Variants in KCNIP3 observed in about 807,000 individuals in gnomAD.
KCNIP3 encodes potassium voltage-gated channel interacting protein 3, also known as calsenilin.
Under a neutral mutation model 35.0 loss-of-function variants are expected in KCNIP3, and 28 were observed. The observed-to-expected ratio is 0.80, with a 90% CI of 0.59 to 1.10. The LOEUF (loss-of-function observed/expected upper bound fraction) is 1.10, where lower values mean the gene tolerates loss of function less well. Ranked by LOEUF, KCNIP3 falls within the 50% of genes least tolerant of loss-of-function variation. KCNIP3 has a pLI of 0.00. For synonymous variants in KCNIP3, 134 were observed against 133.8 expected (o/e 1.00, Z -0.01); for missense variants, 295 against 338.4 (o/e 0.87, Z 1.01).
chr2:95,374,811 G>A, intron 3 of KCNIP3, 37 bp from the exon 4 acceptor site: 2 of 1,606,740 alleles, frequency 1.2e-6, no homozygotes, highest in Non-Finnish European at 1.7e-6. Flanking sequence ...TGGAGCTGGG[G>A]GTGGCCGAGG....
At chr2:95,343,537 C>T (rs577840279) in intron 2 of KCNIP3, among the ~76,000 whole-genome samples, 1 of 152,260 alleles carries the variant, frequency 6.6e-6, no homozygotes, top group East Asian at 1.9e-4. Flanking sequence ...CCAGCCCAGA[C>T]CCGCCCTTAT....
rs1679266035 is a variant in KCNIP3, at chr2:95,343,426, C to T, written c.182-30870C>T. On this transcript the variant is annotated intron_variant, in intron 2 of 8. Transcript: ENST00000295225. ...CCCAGTAGAAAGCATTAGAACTAAA[C>T]TAGAATAAGGCAGGCCTCCCCCAGC... 2.6e-5 allele frequency among the ~76,000 whole-genome samples: 4 copies of T among 152,146 alleles called. No homozygotes were observed. The South Asian group carries it at 8.3e-4, about 32-fold the overall frequency.
intron 5 of KCNIP3, among the ~76,000 whole-genome samples, chr2:95,380,965 T>C (rs931198783): frequency 6.6e-6 from 1 of 152,214 alleles, no homozygotes; most frequent in Non-Finnish European, 1.5e-5. Flanking sequence ...TGAGCCATGA[T>C]GGCGACTGGT....
rs993627429 is a variant in KCNIP3, at chr2:95,378,807, T to TAC, written c.448-2775_448-2774dup. On this transcript the variant is annotated intron_variant, in intron 5 of 8. Coordinates refer to ENST00000295225, the MANE Select transcript of KCNIP3 (RefSeq NM_013434.5). The surrounding 1 kb of genome is among the most constrained non-coding windows in gnomAD (Gnocchi z 4.0). ...ACACACACACACACATATATATATATACACACACACACACATATATACACA... is the reference window on the plus strand; with the variant it reads ...ACACACACACACACATATATATATATACACACACACACACACATATATACACA... 5.4e-4 allele frequency among the ~76,000 whole-genome samples: 81 copies of TAC among 149,976 alleles called. No homozygotes were observed. The highest frequency in any genetic ancestry group is 9.7e-4 in the East Asian group (5 of 5,130).
At chr2:95,325,301 C>T (rs1403430596) in intron 2 of KCNIP3, among the ~76,000 whole-genome samples, 3 of 152,136 alleles carry the variant, frequency 2.0e-5, no homozygotes, top group Non-Finnish European at 2.9e-5. Context: ...ACCTGAGCAG[C>T]GGGGAGGCTG....
chr2:95,306,790 G>C lies in KCNIP3; in HGVS notation c.16-3565G>C, dbSNP rs187743333. On this transcript the variant is annotated intron_variant, in intron 1 of 8. Transcript: ENST00000295225. Reference sequence around the variant, plus strand: ...TTCTCTCCCAGCACCAAGGCACTGTGGGGTGAGGGGCCAGGGGGCCGCCTC... The same window carrying C: ...TTCTCTCCCAGCACCAAGGCACTGTCGGGTGAGGGGCCAGGGGGCCGCCTC... 5.3e-5 allele frequency among the ~76,000 whole-genome samples: 8 copies of C among 152,290 alleles called. No homozygotes were observed. In the East Asian group the frequency reaches 1.5e-3, roughly 29 times the overall value.
At chr2:95,371,324 C>T (rs1485573705) in intron 2 of KCNIP3, among the ~76,000 whole-genome samples, 5 of 152,076 alleles carry the variant, frequency 3.3e-5, no homozygotes, top group Non-Finnish European at 7.4e-5. Flanking sequence ...AATGTGATCA[C>T]CTTGCAGTTT....
chr2:95,340,472 G>T (rs1375116775), intron 2 of KCNIP3, among the ~76,000 whole-genome samples: 1 of 152,248 alleles, frequency 6.6e-6, no homozygotes, highest in African/African-American at 2.4e-5. Context: ...CCTGCTAGAT[G>T]GTCACACGTG....
At position 95,357,905 on chromosome 2, in the gene KCNIP3, T is replaced by C. The variant is rs561903272; in HGVS notation, c.182-16391T>C. On this transcript the variant is annotated intron_variant, in intron 2 of 8. Coordinates refer to ENST00000295225, the MANE Select transcript of KCNIP3 (RefSeq NM_013434.5). ...CAGCTGTGTCCACCCCTGGCTTCTG[T>C]GTGTGTCAGGCACAGGCCGTGCGCA... Among the ~76,000 whole-genome samples, 6 of 152,284 alleles carry C rather than the reference T, an allele frequency of 3.9e-5. No individual in the cohort carries two copies. The East Asian group carries it at 1.2e-3, about 29-fold the overall frequency.
intron 2 of KCNIP3, among the ~76,000 whole-genome samples, chr2:95,373,957 T>C (rs1680103032): frequency 6.6e-6 from 1 of 152,236 alleles, no homozygotes; most frequent in African/African-American, 2.4e-5. Context: ...CATGCCTGTC[T>C]TGCTGTCTTT....
chr2:95,379,120 C>T (rs959646108), intron 5 of KCNIP3, among the ~76,000 whole-genome samples: 2 of 151,988 alleles, frequency 1.3e-5, no homozygotes, highest in African/African-American at 4.8e-5. Flanking sequence ...ACGTTCCCGT[C>T]CCCCCAGCCC....
chr2:95,325,733 ACACT>A lies in KCNIP3; in HGVS notation c.181+15216_181+15219del, dbSNP rs1367392795. 2.0e-5 allele frequency among the ~76,000 whole-genome samples: 3 copies of A among 151,888 alleles called. No homozygotes were observed. The East Asian group carries it at 5.8e-4, about 29-fold the overall frequency. ...CACAGTCATACACTTATACACATAC[ACACT>A]CATACACACGCACTCATACACACAT... On this transcript the variant is annotated intron_variant, in intron 2 of 8. Transcript: ENST00000295225.
intron 2 of KCNIP3, among the ~76,000 whole-genome samples, chr2:95,361,086 A>G (rs151009271): frequency 6.6e-6 from 1 of 152,352 alleles, no homozygotes; most frequent in Non-Finnish European, 1.5e-5. Flanking sequence ...GTCTTCTACA[A>G]GTTAACATCT....
At chr2:95,372,487 G>GTATGTCTATATGGTA (rs1421912008) in intron 2 of KCNIP3, among the ~76,000 whole-genome samples, 1 of 152,218 alleles carries the variant, frequency 6.6e-6, no homozygotes, top group Non-Finnish European at 1.5e-5. Flanking sequence ...AGATACTACA[G>GTATGTCTATATGGTA]TATGTCTATA....
chr2:95,359,390 C>T (rs140360898), intron 2 of KCNIP3, among the ~76,000 whole-genome samples: 28 of 152,308 alleles, frequency 1.8e-4, no homozygotes, highest in Non-Finnish European at 2.8e-4. Flanking sequence ...GTCCCAAGTA[C>T]GTCCAAAACC....
intron 2 of KCNIP3, among the ~76,000 whole-genome samples, chr2:95,320,691 A>G (rs1407268592): frequency 6.6e-6 from 1 of 151,600 alleles, no homozygotes; most frequent in Non-Finnish European, 1.5e-5. Flanking sequence ...CACAGTCACC[A>G]CCCGACCTCC....
intron 1 of KCNIP3, among the ~76,000 whole-genome samples, chr2:95,301,376 A>G (rs1678023871): frequency 6.6e-6 from 1 of 152,240 alleles, no homozygotes; most frequent in South Asian, 2.1e-4. Flanking sequence ...GGCAGGAGAC[A>G]GGCATGGCCA....
At chr2:95,302,519 A>G (rs1678063538) in intron 1 of KCNIP3, among the ~76,000 whole-genome samples, 2 of 152,214 alleles carry the variant, frequency 1.3e-5, no homozygotes, top group Admixed American at 1.3e-4. Flanking sequence ...CCTCCCTGCC[A>G]GGCATGCTAG....
In KCNIP3 at chr2:95,382,670, C is replaced by T. The variant is rs951731613; in HGVS notation, c.660+189C>T. Among the ~76,000 whole-genome samples the T allele has an allele frequency of 3.9e-5, 6 of 152,206 alleles. No individual in the cohort carries two copies. The highest frequency in any genetic ancestry group is 7.2e-5 in the African/African-American group (3 of 41,452). On this transcript the variant is annotated intron_variant, in intron 7 of 8. Transcript: ENST00000295225. This position sits in a 1 kb window ranked among gnomAD's most constrained non-coding sequence, Gnocchi z 4.5. Reference sequence around the variant, plus strand: ...GAAGTGAACTACACCACTGCTCTGCCCTGTGGACCTCATCTGGGGGCCAGA... The same window carrying T: ...GAAGTGAACTACACCACTGCTCTGCTCTGTGGACCTCATCTGGGGGCCAGA...
Sources: gnomAD v4.1 joint callset for allele counts (sites outside exome capture counted in the v4.1 genomes callset) on GRCh38, gnomAD v4.1.1 for gene constraint, Gnocchi (gnomAD v3.1) non-coding constraint, MANE v1.5 for transcripts, NCBI Gene and HGNC (gene_info 2026-07-23, HGNC 2026-07-21) for gene names.